Variants in CPNE8 observed in about 807,000 individuals in gnomAD.
CPNE8 encodes the protein copine-8.
Under a neutral mutation model 81.5 loss-of-function variants are expected in CPNE8, and 45 were observed. The observed-to-expected ratio is 0.55, with a 90% confidence interval of 0.44 to 0.71. The LOEUF (loss-of-function observed/expected upper bound fraction) is 0.71. Ranked by LOEUF, CPNE8 falls within the 30% of genes least tolerant of loss-of-function variation. The pLI, the probability that CPNE8 is intolerant of heterozygous loss-of-function variation, is 0.00. For synonymous variants in CPNE8, 252 were observed against 226.3 expected (o/e 1.11, Z -1.02); for missense variants, 594 against 672.1 (o/e 0.88, Z 1.28).
At chr12:38,872,215 T>A (rs1378177931) in intron 3 of CPNE8, among the ~76,000 whole-genome samples, 2 of 152,158 alleles carry the variant, frequency 1.3e-5, no homozygotes, top group African/African-American at 4.8e-5. Flanking sequence ...TCATTATCAG[T>A]AGAAACAAGC....
chr12:38,699,814 A>G (rs1452569653), intron 14 of CPNE8, among the ~76,000 whole-genome samples: 1 of 152,206 alleles, frequency 6.6e-6, no homozygotes, highest in Non-Finnish European at 1.5e-5. Context: ...TAAGTATAAT[A>G]TTCCTTTTGA....
chr12:38,878,069 G>A (rs1371171806), intron 1 of CPNE8, among the ~76,000 whole-genome samples: 12 of 152,148 alleles, frequency 7.9e-5, no homozygotes, highest in Admixed American at 7.9e-4. Flanking sequence ...CAAATGCCAT[G>A]GCAACATCAG....
At chr12:38,654,502 G>A (rs553829010) in intron 19 of CPNE8, among the ~76,000 whole-genome samples, 49 of 116,326 alleles carry the variant, frequency 4.2e-4, no homozygotes, top group African/African-American at 1.4e-3. Flanking sequence ...CCGACAGAGC[G>A]AGACTCTGTC....
At chr12:38,691,099 C>G (rs933434090) in intron 15 of CPNE8, among the ~76,000 whole-genome samples, 8 of 152,102 alleles carry the variant, frequency 5.3e-5, no homozygotes, top group Non-Finnish European at 7.4e-5. Flanking sequence ...TATATAAAAA[C>G]TTATATAAAG....
At chr12:38,896,371 A>C (rs914384016) in intron 1 of CPNE8, among the ~76,000 whole-genome samples, 1 of 152,110 alleles carries the variant, frequency 6.6e-6, no homozygotes, top group African/African-American at 2.4e-5. Context: ...TGTTGTCATT[A>C]AGTTTGCCAA....
chr12:38,662,247 A>G (rs117950747), intron 19 of CPNE8, among the ~76,000 whole-genome samples: 164 of 152,260 alleles, frequency 1.1e-3, no homozygotes, highest in Non-Finnish European at 2.0e-3. Flanking sequence ...GATCTTATAT[A>G]TGGAAAACCC....
At chr12:38,721,205 C>T (rs1269738179) in intron 13 of CPNE8, 1 of 152,694 alleles carries the variant, frequency 6.5e-6, no homozygotes, top group Non-Finnish European at 1.5e-5. Flanking sequence ...CTAGGGCCTC[C>T]TTTCTGCTGA....
chr12:38,832,966 T>TA (rs1943313931), intron 5 of CPNE8, among the ~76,000 whole-genome samples: 1 of 152,214 alleles, frequency 6.6e-6, no homozygotes, highest in Admixed American at 6.5e-5. Context: ...TACAAAGTTC[T>TA]AAATTTAAAT....
chr12:38,791,548 A>G (rs1942324230), intron 6 of CPNE8, among the ~76,000 whole-genome samples: 1 of 151,732 alleles, frequency 6.6e-6, no homozygotes, highest in African/African-American at 2.4e-5. Flanking sequence ...CTACTAGTTT[A>G]TTATTTAGAA....
intron 7 of CPNE8, among the ~76,000 whole-genome samples, chr12:38,770,091 C>A (rs998131160): frequency 2.6e-5 from 4 of 152,248 alleles, no homozygotes; most frequent in Middle Eastern, 3.4e-3. Flanking sequence ...CTTAATGTCA[C>A]CTAATACATT....
rs139244982 is a variant in CPNE8, at chr12:38,760,435, G to GTATATATATATATATATATATA, written c.722+411_722+412insTATATATATATATATATATATA. On this transcript the variant is annotated intron_variant, in intron 10 of 19. Transcript: ENST00000331366. ...ATTCTCGAGTTTTGTTGTATGGTGT[G>GTATATATATATATATATATATA]TATATATATATATATATGTGTGTGT... 2.3e-3 allele frequency among the ~76,000 whole-genome samples: 297 copies of GTATATATATATATATATATATA among 127,176 alleles called. 5 individuals carry two copies. Among genetic ancestry groups the GTATATATATATATATATATATA allele is most frequent in the African/African-American group, 8.5e-3 (243 of 28,618 alleles). 83.4% of individuals were successfully genotyped at this position (127,176 alleles called of 152,430 possible).
intron 10 of CPNE8, among the ~76,000 whole-genome samples, chr12:38,749,470 G>T (rs1941306488): frequency 1.3e-5 from 2 of 152,182 alleles, no homozygotes; most frequent in Non-Finnish European, 2.9e-5. Context: ...ACAGCTTGGA[G>T]GGCTCAGAAG....
intron 5 of CPNE8, among the ~76,000 whole-genome samples, chr12:38,832,144 G>A (rs1943298101): frequency 1.3e-5 from 2 of 152,158 alleles, no homozygotes; most frequent in African/African-American, 4.8e-5. Flanking sequence ...ACCAGCTCTG[G>A]CTAGTCCTAG....
At chr12:38,810,889 A>G (rs1378710467) in intron 6 of CPNE8, among the ~76,000 whole-genome samples, 1 of 152,138 alleles carries the variant, frequency 6.6e-6, no homozygotes, top group Non-Finnish European at 1.5e-5. Flanking sequence ...CCAGGAAAGG[A>G]AGATCAAATC....
chr12:38,661,828 C>T (rs1938960959), intron 19 of CPNE8, among the ~76,000 whole-genome samples: 1 of 150,554 alleles, frequency 6.6e-6, no homozygotes, highest in Non-Finnish European at 1.5e-5. Context: ...GGATTTATCT[C>T]AGGAATGCAA....
At chr12:38,867,351 A>T (rs935553780) in intron 3 of CPNE8, among the ~76,000 whole-genome samples, 3 of 150,460 alleles carry the variant, frequency 2.0e-5, no homozygotes, top group Admixed American at 6.6e-5. Flanking sequence ...AGAGAGAGAG[A>T]GAGAGAGAGA....
intron 1 of CPNE8, among the ~76,000 whole-genome samples, chr12:38,893,913 T>A (rs1376762315): frequency 6.6e-6 from 1 of 152,202 alleles, no homozygotes; most frequent in Non-Finnish European, 1.5e-5. Context: ...GAAAGTAAAA[T>A]AGCCTTTTTT....
chr12:38,755,911 GCGCCTGTAGTCCCAGC>G (rs1412688823), intron 10 of CPNE8, among the ~76,000 whole-genome samples: 1 of 150,926 alleles, frequency 6.6e-6, no homozygotes, highest in Non-Finnish European at 1.5e-5. Flanking sequence ...GTAGTGGCGG[GCGCCTGTAGTCCCAGC>G]TACTCGGGAG....
At chr12:38,894,359 T>G (rs1245897421) in intron 1 of CPNE8, among the ~76,000 whole-genome samples, 1 of 152,206 alleles carries the variant, frequency 6.6e-6, no homozygotes, top group African/African-American at 2.4e-5. Flanking sequence ...TTTAATTTAC[T>G]AATTTAAATT....
Sources: gnomAD v4.1 joint callset for allele counts (sites outside exome capture counted in the v4.1 genomes callset) on GRCh38, gnomAD v4.1.1 for gene constraint, MANE v1.5 for transcripts, NCBI Gene and HGNC (gene_info 2026-07-23, HGNC 2026-07-21) for gene names.